The following SAMD5 variants were observed in gnomAD, a reference collection of about 807,000 sequenced individuals.
SAMD5 encodes the protein sterile alpha motif domain-containing protein 5.
SAMD5 carries 13 observed loss-of-function variants against 11.3 expected under a neutral mutation model. The ratio of observed to expected loss-of-function variants is 1.15; its 90% CI spans 0.75 to 1.83. The LOEUF is 1.83. SAMD5 is among the 40% of genes most tolerant of loss of function. The probability of loss-of-function intolerance (pLI) is 0.00; values close to 1 mark genes in which losing one functional copy is unlikely to be tolerated. For synonymous variants in SAMD5, 129 were observed against 111.3 expected (o/e 1.16, Z -1.00); for missense variants, 255 against 239.1 (o/e 1.07, Z -0.44).
chr6:147,870,869 C>T, the SAMD5 span, among the ~76,000 whole-genome samples: 2 of 151,968 alleles, frequency 1.3e-5, no homozygotes, highest in South Asian at 4.2e-4. Flanking sequence ...GCACACAGCT[C>T]ATCCAGGCTT....
At chr6:147,786,373 T>C in the SAMD5 span, among the ~76,000 whole-genome samples, 1 of 152,252 alleles carries the variant, frequency 6.6e-6, no homozygotes, top group South Asian at 2.1e-4. Context: ...GTTATTTCCA[T>C]GTGGATGAAC....
exon 2 of SAMD5, chr6:147,737,358 G>A (rs990388371): frequency 1.6e-6 from 2 of 1,267,020 alleles, no homozygotes; most frequent in Non-Finnish European, 2.1e-6. Context: ...TTTGCGTGCT[G>A]TTTATTGGAG....
the SAMD5 span, among the ~76,000 whole-genome samples, chr6:147,902,693 T>C: frequency 3.2e-4 from 48 of 152,324 alleles, no homozygotes; most frequent in African/African-American, 1.2e-3. Context: ...ATCCTGTGTT[T>C]CTTACTCACC....
intron 1 of SAMD5, among the ~76,000 whole-genome samples, chr6:147,698,012 C>G (rs890784807): frequency 6.6e-6 from 1 of 152,172 alleles, no homozygotes; most frequent in African/African-American, 2.4e-5. Context: ...CTCAGATCAT[C>G]AGGCATTAGT....
intron 1 of SAMD5, among the ~76,000 whole-genome samples, chr6:147,514,975 A>G (rs1312357793): frequency 1.3e-5 from 2 of 152,032 alleles, no homozygotes; most frequent in Non-Finnish European, 2.9e-5. Context: ...AAGGAAAGAG[A>G]GAGATTGGCA....
intron 1 of SAMD5, among the ~76,000 whole-genome samples, chr6:147,637,354 T>C (rs942168561): frequency 3.9e-5 from 6 of 152,222 alleles, no homozygotes; most frequent in Admixed American, 2.6e-4. Context: ...CCTAGTGAAC[T>C]TGTGGACAAG....
the SAMD5 span, among the ~76,000 whole-genome samples, chr6:147,764,142 A>C: frequency 7.2e-5 from 11 of 152,230 alleles, no homozygotes; most frequent in Non-Finnish European, 1.3e-4. Context: ...GTATTTCATA[A>C]ATAACTCAGG....
At chr6:147,884,923 C>T in the SAMD5 span, among the ~76,000 whole-genome samples, 7 of 152,278 alleles carry the variant, frequency 4.6e-5, no homozygotes, top group South Asian at 1.0e-3. Context: ...TTTACCATAG[C>T]TTCACTTAAT....
At chr6:147,623,244 C>T (rs1464439121) in intron 1 of SAMD5, among the ~76,000 whole-genome samples, 1 of 152,218 alleles carries the variant, frequency 6.6e-6, no homozygotes, top group Non-Finnish European at 1.5e-5. Context: ...GCCTCCCAGA[C>T]ACCCCAGAGC....
chr6:147,580,171 T>A (rs1789276107), intron 1 of SAMD5, among the ~76,000 whole-genome samples: 1 of 152,176 alleles, frequency 6.6e-6, no homozygotes, highest in African/African-American at 2.4e-5. Flanking sequence ...CTTCTGAGTG[T>A]CTGGACCCCA....
intron 1 of SAMD5, among the ~76,000 whole-genome samples, chr6:147,690,383 G>A (rs1298200975): frequency 6.6e-6 from 1 of 152,108 alleles, no homozygotes; most frequent in African/African-American, 2.4e-5. Flanking sequence ...TTCTAGGCTG[G>A]GAGTGGTGGC....
intron 1 of SAMD5, among the ~76,000 whole-genome samples, chr6:147,700,591 A>G (rs202061978): frequency 1.8e-5 from 1 of 54,286 alleles, no homozygotes; most frequent in African/African-American, 3.3e-5. Flanking sequence ...CCCTGTCCAC[A>G]TGTGTTTTAT....
the SAMD5 span, among the ~76,000 whole-genome samples, chr6:147,809,579 A>G: frequency 6.6e-6 from 1 of 152,260 alleles, no homozygotes; most frequent in Non-Finnish European, 1.5e-5. Context: ...CAGAGAATGT[A>G]TCAACGATTG....
chr6:147,941,018 C>T, the SAMD5 span, among the ~76,000 whole-genome samples: 7 of 152,166 alleles, frequency 4.6e-5, no homozygotes, highest in African/African-American at 1.4e-4. Flanking sequence ...TTCAGGGTTC[C>T]TGAAAACAGA....
intron 1 of SAMD5, among the ~76,000 whole-genome samples, chr6:147,635,495 T>A (rs1368018403): frequency 1.3e-5 from 2 of 152,182 alleles, no homozygotes; most frequent in African/African-American, 4.8e-5. Flanking sequence ...TAGTTGAAGC[T>A]CCCAAAAGTT....
At chr6:147,886,432 G>A in the SAMD5 span, among the ~76,000 whole-genome samples, 1 of 151,856 alleles carries the variant, frequency 6.6e-6, no homozygotes, top group African/African-American at 2.4e-5. Flanking sequence ...TGAAGAAGAG[G>A]AGAGAGAAAT....
At chr6:147,911,935 G>A in the SAMD5 span, among the ~76,000 whole-genome samples, 1 of 152,148 alleles carries the variant, frequency 6.6e-6, no homozygotes, top group African/African-American at 2.4e-5. Context: ...GCTGTAACTA[G>A]ACCATATGTC....
the SAMD5 span, among the ~76,000 whole-genome samples, chr6:147,921,274 AACACACACACACACAC>A: frequency 2.1e-5 from 3 of 140,978 alleles, no homozygotes; most frequent in South Asian, 2.3e-4. Context: ...GAGAGTATAA[AACACACACACACACAC>A]ACACACACAC....
In SAMD5 at chr6:147,509,156, T is replaced by G; in HGVS notation, c.228T>G (p.Leu76=). The stretch of plus-strand genomic sequence containing the variant: ...ACGCCGCCGGCCTCTACTTCACGCT[T>G]GAGCCGCAGCCGGCGCCCCCCGGGC... ...DANAAGLYFT[L]EPQPAPPGPP... The change falls in exon 1 of 2, where the codon CTT becomes CTG. Residue 76 remains leucine (L), a synonymous_variant. Coordinates refer to ENST00000367474, the MANE Select transcript of SAMD5 (RefSeq NM_001030060.3). 7.1e-7 allele frequency: 1 copy of G among 1,410,830 alleles called. No individual in the cohort carries two copies. Among genetic ancestry groups the G allele is most frequent in the Non-Finnish European group, 9.3e-7 (1 of 1,081,080 alleles). The allele number at this position is 1,410,830 out of a possible 1,614,324, so 87.4% of individuals were successfully genotyped here. A position where few individuals can be genotyped will look rare whatever the true frequency, so the allele number is the denominator to read the frequency against.
Sources: allele counts gnomAD v4.1 joint callset (sites outside exome capture counted in the v4.1 genomes callset), GRCh38; gene constraint gnomAD v4.1.1; transcripts MANE v1.5; gene names NCBI Gene and HGNC (gene_info 2026-07-23, HGNC 2026-07-21).